CSMD1: variants seen among roughly 807,000 people sequenced by gnomAD.
The protein encoded by CSMD1 is CUB and Sushi multiple domains 1.
CSMD1 carries 213 observed loss-of-function variants against 417.5 expected under a neutral mutation model. The observed-to-expected ratio is 0.51, with a 90% confidence interval of 0.46 to 0.57. CSMD1 has a LOEUF of 0.57. CSMD1 is among the 20% of genes least tolerant of loss of function. The probability of loss-of-function intolerance (pLI) is 0.00; values close to 1 mark genes in which losing one functional copy is unlikely to be tolerated. For missense variants in CSMD1, 6,923 were observed against 4,529.7 expected, an observed-to-expected ratio of 1.53 and a Z score of -15.17; for synonymous variants, 2,862 against 1,736.8, an observed-to-expected ratio of 1.65 and a Z score of -16.11.
At position 3,221,972 on chromosome 8, in the gene CSMD1, G is replaced by A. The variant is rs578141206; in HGVS notation, c.4484+1757C>T. 2.0e-5 allele frequency among the ~76,000 whole-genome samples: 3 copies of A among 152,194 alleles called. No homozygotes were observed. In the South Asian group the frequency reaches 6.2e-4, roughly 32 times the overall value. The stretch of plus-strand genomic sequence containing the variant: ...TCTTGGCCAGCCCTCATCAGCGCCA[G>A]CCTCCTGCTTGGGAAGCTGGACATC... On this transcript the variant is annotated intron_variant, in intron 28 of 69. Coordinates refer to ENST00000635120, the MANE Select transcript of CSMD1 (RefSeq NM_033225.6).
At chr8:3,732,760 A>C (rs1383338938) in intron 6 of CSMD1, among the ~76,000 whole-genome samples, 1 of 152,192 alleles carries the variant, frequency 6.6e-6, no homozygotes, top group Non-Finnish European at 1.5e-5. Context: ...CTCAATGCTT[A>C]ATTACTAAGC....
intron 1 of CSMD1, among the ~76,000 whole-genome samples, chr8:4,650,321 G>C (rs572084976): frequency 7.1e-6 from 1 of 141,320 alleles, no homozygotes; most frequent in South Asian, 2.2e-4. Flanking sequence ...CTCCAGCCTG[G>C]GCAGCAGTAC....
At chr8:4,140,301 A>T (rs1296046362) in intron 3 of CSMD1, among the ~76,000 whole-genome samples, 1 of 150,996 alleles carries the variant, frequency 6.6e-6, no homozygotes. Flanking sequence ...GTTTGAGACC[A>T]GCCTGACAAA....
At chr8:4,381,609 T>A (rs1399933145) in intron 3 of CSMD1, among the ~76,000 whole-genome samples, 1 of 152,106 alleles carries the variant, frequency 6.6e-6, no homozygotes, top group Non-Finnish European at 1.5e-5. Context: ...GTTCCCGCCC[T>A]GAACACCCAC....
At chr8:4,253,907 CTTTTTTTTTT>C (rs147795407) in intron 3 of CSMD1, among the ~76,000 whole-genome samples, 2 of 80,958 alleles carry the variant, frequency 2.5e-5, no homozygotes, top group African/African-American at 8.7e-5. Flanking sequence ...TTCCTTCCAT[CTTTTTTTTTT>C]TTTTTTTTTT....
intron 3 of CSMD1, among the ~76,000 whole-genome samples, chr8:4,208,289 G>C (rs1264274133): frequency 2.0e-5 from 3 of 152,008 alleles, no homozygotes; most frequent in African/African-American, 7.2e-5. Flanking sequence ...GAAACAAGAA[G>C]AATTAGAAAA....
At chr8:4,132,150 CA>C (rs974953370) in intron 3 of CSMD1, among the ~76,000 whole-genome samples, 14 of 149,892 alleles carry the variant, frequency 9.3e-5, no homozygotes, top group African/African-American at 3.2e-4. Flanking sequence ...TTCTACAGAT[CA>C]GCTGTTGCCT....
intron 3 of CSMD1, among the ~76,000 whole-genome samples, chr8:4,108,047 GACA>G (rs1801659071): frequency 5.5e-4 from 1 of 1,822 alleles, no homozygotes; most frequent in Non-Finnish European, 1.0e-3. Flanking sequence ...GAGAAAGAGA[GACA>G]GAGACAGAGA....
intron 5 of CSMD1, among the ~76,000 whole-genome samples, chr8:3,939,442 G>C (rs552206966): frequency 1.3e-5 from 2 of 152,206 alleles, no homozygotes; most frequent in East Asian, 1.9e-4. Context: ...TACTATGAAA[G>C]ACAGTACGGA....
chr8:4,105,691 G>A (rs1309215794), intron 3 of CSMD1, among the ~76,000 whole-genome samples: 1 of 152,316 alleles, frequency 6.6e-6, no homozygotes, highest in East Asian at 1.9e-4. Flanking sequence ...TGTCATATTA[G>A]CCTAGGCTGG....
At chr8:3,379,960 T>C (rs1371072728) in intron 18 of CSMD1, among the ~76,000 whole-genome samples, 1 of 152,148 alleles carries the variant, frequency 6.6e-6, no homozygotes, top group Non-Finnish European at 1.5e-5. Flanking sequence ...ACAGGCAACC[T>C]ACAGAATGGG....
intron 1 of CSMD1, among the ~76,000 whole-genome samples, chr8:4,793,248 T>C (rs1241016424): frequency 6.6e-6 from 1 of 152,160 alleles, no homozygotes. Context: ...CCTTCATATT[T>C]ACAAGACCTA....
At chr8:3,640,323 T>A (rs1334376917) in intron 7 of CSMD1, among the ~76,000 whole-genome samples, 4 of 152,310 alleles carry the variant, frequency 2.6e-5, no homozygotes, top group South Asian at 4.2e-4. Flanking sequence ...ACAACCAAGA[T>A]TTTATGAGAT....
rs530361082 is a variant in CSMD1, at chr8:3,924,251, G to A, written c.818+73652C>T. 1.6e-4 allele frequency among the ~76,000 whole-genome samples: 25 copies of A among 152,274 alleles called. 1 individual carries two copies. Among genetic ancestry groups the A allele is most frequent in the Middle Eastern group, 6.8e-3 (2 of 294 alleles). ...TCTTCAGAAAGATGCTGATGTTCTT[G>A]TAGGGATACCTTATATGTTGTAAAC... On this transcript the variant is annotated intron_variant, in intron 5 of 69. Coordinates refer to ENST00000635120, the MANE Select transcript of CSMD1 (RefSeq NM_033225.6).
intron 6 of CSMD1, among the ~76,000 whole-genome samples, chr8:3,711,865 T>G (rs1353378760): frequency 3.3e-5 from 5 of 152,108 alleles, no homozygotes; most frequent in African/African-American, 1.2e-4. Flanking sequence ...AGCATAGAAC[T>G]CAACGCAAAT....
chr8:3,369,196 C>A (rs1374420663), intron 19 of CSMD1, 58 bp downstream of exon 19: 5 of 815,260 alleles, frequency 6.1e-6, no homozygotes, highest in South Asian at 1.5e-5. Context: ...TTGTTTTGTT[C>A]CCGTTTTTCT....
At chr8:3,904,298 C>G (rs1265840541) in intron 5 of CSMD1, among the ~76,000 whole-genome samples, 5 of 152,086 alleles carry the variant, frequency 3.3e-5, no homozygotes, top group Admixed American at 6.5e-5. Context: ...GGAGGACACC[C>G]CTTTCTTTCA....
At chr8:4,923,374 A>G (rs9657405) in intron 1 of CSMD1, among the ~76,000 whole-genome samples, 47,204 of 151,984 alleles carry the variant, frequency 0.31, 7,936 homozygotes, top group Middle Eastern at 0.43. Context: ...ATTTTAAAAT[A>G]AAGAGTGTAA....
At chr8:4,804,329 G>C (rs554752367) in intron 1 of CSMD1, among the ~76,000 whole-genome samples, 1 of 152,220 alleles carries the variant, frequency 6.6e-6, no homozygotes, top group South Asian at 2.1e-4. Context: ...TCATGCTATG[G>C]AATGTTCAGA....
Sources: allele counts gnomAD v4.1 joint callset (sites outside exome capture counted in the v4.1 genomes callset), GRCh38; gene constraint gnomAD v4.1.1; transcripts MANE v1.5; gene names NCBI Gene and HGNC (gene_info 2026-07-23, HGNC 2026-07-21).